The following HIP1R variants were observed in gnomAD, a reference collection of about 807,000 sequenced individuals.
HIP1R encodes huntingtin-interacting protein 1-related protein.
In HIP1R, 135 loss-of-function variants were observed where a neutral mutation model predicts 144.2. The observed-to-expected ratio is 0.94, with a 90% confidence interval of 0.81 to 1.08. The LOEUF (loss-of-function observed/expected upper bound fraction) is 1.08. HIP1R is among the 50% of genes least tolerant of loss of function. HIP1R has a pLI of 0.00. For missense variants in HIP1R, 1,462 were observed against 1,432.8 expected (o/e 1.02, Z -0.33); for synonymous variants, 698 against 612.8 (o/e 1.14, Z -2.05).
chr12:122,854,274 G>A (rs1445999227), intron 8 of HIP1R, 91 bp downstream of exon 8: 6 of 1,059,008 alleles, frequency 5.7e-6, no homozygotes, highest in Admixed American at 3.1e-5. Context: ...AAAATTAGAG[G>A]TTTATTCATT....
chr12:122,850,854 G>T lies in HIP1R; in HGVS notation c.458G>T (p.Gly153Val). Reference sequence around the variant, plus strand: ...CCACAGCATCCCCAGTTTCCCGCGGGCCTGGAGGTGACAGATGAGGTACTG... The same window carrying T: ...CCACAGCATCCCCAGTTTCCCGCGGTCCTGGAGGTGACAGATGAGGTACTG... The part of the protein sequence containing the change: ...FHLKHPQFPA[G>V]LEVTDEVLEK... The change falls in exon 6 of 32, where the codon GGC becomes GTC. Residue 153 changes from glycine to valine, a missense_variant. This residue lies in a region of HIP1R where 350 missense variants were observed against 421.1 expected (regional missense o/e 0.83). Transcript: ENST00000253083. 1.2e-6 allele frequency: 2 copies of T among 1,610,122 alleles called. No homozygotes were observed. Among genetic ancestry groups the T allele is most frequent in the Non-Finnish European group, 1.7e-6 (2 of 1,178,792 alleles).
In HIP1R at chr12:122,857,176, C is replaced by G. The variant is rs1053722704; in HGVS notation, c.1776C>G (p.Ser592=). ...TGAGCCGGGAGCAGCAGCGCAGCTC[C>G]CAGGAGCAGGGCGAGTTGCAGGGCC... is the stretch of plus-strand genomic sequence containing the variant. ...AALSREQQRS[S]QEQGELQGRL... is the part of the protein sequence containing the mutation. The change falls in exon 18 of 32, where the codon TCC becomes TCG. Residue 592 remains serine (S), a synonymous_variant. Transcript: ENST00000253083. The G allele has an allele frequency of 4.5e-6, 7 of 1,550,446 alleles. No individual in the cohort carries two copies. In the East Asian group the frequency reaches 1.7e-4, roughly 38 times the overall value.
In HIP1R at chr12:122,862,842, A is replaced by G. The variant is rs976407907; in HGVS notation, c.*1089A>G. 2.3e-4 allele frequency: 35 copies of G among 152,226 alleles called. 1 individual carries two copies. The highest frequency in any genetic ancestry group is 2.1e-3 in the Admixed American group (32 of 15,294). 9.4% of individuals were successfully genotyped at this position (152,226 alleles called of 1,614,324 possible). A position where few individuals can be genotyped will look rare whatever the true frequency, so the allele number is the denominator to read the frequency against. The stretch of plus-strand genomic sequence containing the variant: ...ACCCTGTGCTCTGGAAAGGCTACCA[A>G]ATACTGGCCAAGGTCAGGAGGAGCA... On this transcript the variant is annotated 3_prime_UTR_variant, in exon 32 of 32. Transcript: ENST00000253083.
intron 8 of HIP1R, 85 bp from the exon 9 acceptor site, chr12:122,854,820 T>G: frequency 1.4e-6 from 2 of 1,404,206 alleles, no homozygotes; most frequent in East Asian, 4.6e-5. Flanking sequence ...TCTGTGAGTT[T>G]GTAGCATACG....
chr12:122,851,947 A>G (rs1365989283), intron 7 of HIP1R, among the ~76,000 whole-genome samples: 2 of 152,170 alleles, frequency 1.3e-5, no homozygotes, highest in Admixed American at 6.5e-5. Flanking sequence ...AGCTGGAAGA[A>G]AGGTTTGGGT....
rs2033320921 is a variant in HIP1R, at chr12:122,849,817, G to GAGGACACGT, written c.358-53_358-52insACGTAGGAC. On this transcript the variant is annotated intron_variant, in intron 4 of 31. Coordinates refer to ENST00000253083, the MANE Select transcript of HIP1R (RefSeq NM_003959.3). ...GGGTCACTCTCGTGCCCAGGTCCTTGAGGACTCTTGGACGTGTTCACGAGC... is the reference window on the plus strand; with the variant it reads ...GGGTCACTCTCGTGCCCAGGTCCTTGAGGACACGTAGGACTCTTGGACGTGTTCACGAGC... 2.3e-6 allele frequency: 3 copies of GAGGACACGT among 1,285,470 alleles called. No individual in the cohort carries two copies. In the East Asian group the frequency reaches 7.0e-5, roughly 30 times the overall value. 79.6% of individuals were successfully genotyped at this position (1,285,470 alleles called of 1,614,324 possible). A position where few individuals can be genotyped will look rare whatever the true frequency, so the allele number is the denominator to read the frequency against.
At position 122,857,031 on chromosome 12, in the gene HIP1R, A is replaced by C; in HGVS notation, c.1631A>C (p.Glu544Ala). ...ALSHTEQSKS[E>A]LSSRLDTLSA... ...CATGTCTGTCCACAGAGCAAGTCGG[A>C]GCTGAGCTCACGGCTGGACACGCTG... Residue 544 changes from glutamate (E) to alanine (A), a missense_variant, in exon 18 of 32, where the codon GAG becomes GCG. Physicochemically the swap from Glu to Ala is moderately radical, Grantham distance 107. Transcript: ENST00000253083. 1 of 1,549,400 alleles carries C rather than the reference A, an allele frequency of 6.5e-7. No homozygotes were observed.
chr12:122,855,734 A>C, intron 12 of HIP1R, 97 bp from the exon 13 acceptor site: 1 of 1,504,020 alleles, frequency 6.6e-7, no homozygotes, highest in Non-Finnish European at 9.1e-7. Context: ...GAGGTGCCCA[A>C]ATCCTGAGTG....
rs1309254012 is a variant in HIP1R at position 122,860,795 on chromosome 12, A to ACG, written c.2766+13_2766+14dup. On this transcript the variant is annotated intron_variant, in intron 28 of 31. Coordinates refer to ENST00000253083, the MANE Select transcript of HIP1R (RefSeq NM_003959.3). ...GTGGCGGCCTCCAAGGTGAGCTTGC[A>ACG]CGCCGACAGCAGCACACTGGGCTCT... is the stretch of plus-strand genomic sequence containing the variant. 3 of 1,611,240 alleles carry ACG rather than the reference A, an allele frequency of 1.9e-6. No homozygotes were observed. In the South Asian group the frequency reaches 3.3e-5, roughly 18 times the overall value.
In HIP1R at chr12:122,861,449, A is replaced by G. The variant is rs1466665214; in HGVS notation, c.3094A>G (p.Ser1032Gly). The change falls in exon 31 of 32, where the codon AGT becomes GGT. Residue 1032 changes from serine (S) to glycine (G), a missense_variant. Physicochemically the swap from Ser to Gly is moderately conservative, Grantham distance 56. This residue lies in a region of HIP1R where 1,112 missense variants were observed against 1,011.7 expected (regional missense o/e 1.10). Transcript: ENST00000253083. ...CATCCGGCCCAGCACTGCCCCCCGA[A>G]GTGTAACCACCAAGAAACCACCCCT... ...VAIRPSTAPR[S>G]VTTKKPPLAQ... 1 of 1,613,476 alleles carries G rather than the reference A, an allele frequency of 6.2e-7. No homozygotes were observed.
At chr12:122,859,388 G>GA (rs397840058) in intron 22 of HIP1R, 38 bp from the exon 23 acceptor site, 5 of 1,566,718 alleles carry the variant, frequency 3.2e-6, no homozygotes, top group Admixed American at 1.7e-5. Context: ...GACGGGGGGG[G>GA]ACGGAGGCTA....
intron 1 of HIP1R, among the ~76,000 whole-genome samples, chr12:122,837,620 A>ATTGTT (rs903065833): frequency 9.9e-5 from 15 of 152,124 alleles, no homozygotes; most frequent in Admixed American, 2.6e-4. Context: ...CCGAAGGTGG[A>ATTGTT]TTGTTTTGTT....
At chr12:122,849,766 T>C (rs1404085007) in intron 4 of HIP1R, 109 bp from the exon 5 acceptor site, 4 of 709,298 alleles carry the variant, frequency 5.6e-6, no homozygotes, top group South Asian at 5.1e-5. Flanking sequence ...AGAAGACGTT[T>C]GTTGAATGAA....
chr12:122,851,836 G>A (rs1200604537), intron 7 of HIP1R, among the ~76,000 whole-genome samples: 1 of 152,174 alleles, frequency 6.6e-6, no homozygotes, highest in Non-Finnish European at 1.5e-5. Flanking sequence ...TCCATCCAGT[G>A]AGTGTCACTC....
chr12:122,856,333 C>T lies in HIP1R; in HGVS notation c.1390C>T (p.Leu464=), dbSNP rs2033576806. The change falls in exon 15 of 32, where the codon CTG becomes TTG. Residue 464 remains leucine, a synonymous_variant. Coordinates refer to ENST00000253083, the MANE Select transcript of HIP1R (RefSeq NM_003959.3). Reference sequence around the variant, plus strand: ...TGAGCTCGTCCATGTGCACGCGGAGCTGCTCAGAAAGGTAGGTGCAGCCCA... The same window carrying T: ...TGAGCTCGTCCATGTGCACGCGGAGTTGCTCAGAAAGGTAGGTGCAGCCCA... The part of the protein sequence containing the change: ...HSELVHVHAE[L]LRKNADTAKQ... The T allele has an allele frequency of 6.2e-7, 1 of 1,613,762 alleles. No homozygotes were observed. The highest frequency in any genetic ancestry group is 1.3e-5 in the African/African-American group (1 of 74,942).
Position 122,861,050 on chromosome 12 carries a change from G to C in HIP1R, c.2890+11G>C. 1 of 1,613,672 alleles carries C rather than the reference G, an allele frequency of 6.2e-7. No individual in the cohort carries two copies. The highest frequency in any genetic ancestry group is 1.1e-5 in the South Asian group (1 of 91,082). ...AGATTGAGGACAGAGGTGAGTGCCA[G>C]ATGCCAACGGGGGCTGCTGGCTCCC... On this transcript the variant is annotated intron_variant, in intron 29 of 31. Transcript: ENST00000253083.
intron 1 of HIP1R, among the ~76,000 whole-genome samples, chr12:122,847,030 C>T (rs2033229167): frequency 6.6e-6 from 1 of 152,168 alleles, no homozygotes; most frequent in Non-Finnish European, 1.5e-5. Flanking sequence ...AGGAGCCCAG[C>T]TGCCCTGGCT....
intron 1 of HIP1R, among the ~76,000 whole-genome samples, chr12:122,843,132 G>A (rs2033105668): frequency 6.6e-6 from 1 of 152,208 alleles, no homozygotes; most frequent in Admixed American, 6.5e-5. Context: ...TGGGGAGTGG[G>A]GCTCCTGTGG....
chr12:122,853,961 C>T, intron 7 of HIP1R, 82 bp from the exon 8 acceptor site: 7 of 1,489,394 alleles, frequency 4.7e-6, no homozygotes, highest in Non-Finnish European at 6.4e-6. Flanking sequence ...TGGCTTAGGG[C>T]CCTGCTTCAC....
Sources: allele counts gnomAD v4.1 joint callset (sites outside exome capture counted in the v4.1 genomes callset), GRCh38; gene constraint gnomAD v4.1.1; regional missense constraint gnomAD v4.1.1; transcripts MANE v1.5; gene names NCBI Gene and HGNC (gene_info 2026-07-23, HGNC 2026-07-21).